ASIC2: variants seen among roughly 807,000 people sequenced by gnomAD.
The protein encoded by ASIC2 is acid-sensing ion channel 2.
A neutral mutation model predicts 57.3 loss-of-function variants in ASIC2; 25 were observed. That is an observed-to-expected ratio of 0.44 (90% confidence interval 0.32 to 0.61). The LOEUF (loss-of-function observed/expected upper bound fraction) is 0.61, where lower values mean the gene tolerates loss of function less well. ASIC2 is among the 20% of genes least tolerant of loss of function. The pLI is 0.06. For synonymous variants in ASIC2, 319 were observed against 307.5 expected (o/e 1.04, Z -0.39); for missense variants, 641 against 738.1 (o/e 0.87, Z 1.52).
rs553807978 is a variant in ASIC2 at position 34,097,643 on chromosome 17, T to C, written c.555+58335A>G. 2.1e-3 allele frequency among the ~76,000 whole-genome samples: 321 copies of C among 152,312 alleles called. 1 individual carries two copies. Among genetic ancestry groups the C allele is most frequent in the African/African-American group, 7.0e-3 (292 of 41,568 alleles). On this transcript the variant is annotated intron_variant, in intron 1 of 9. Coordinates refer to the ASIC2 transcript ENST00000359872. ...TTATTTTTAAATTTGTACTTCTAAT[T>C]GTTATATCACTAGTTTTTTTGTGGT...
intron 1 of ASIC2, among the ~76,000 whole-genome samples, chr17:33,490,617 G>A (rs937910205): frequency 1.3e-5 from 2 of 152,160 alleles, no homozygotes; most frequent in Admixed American, 6.5e-5. Context: ...CTCTTGCCTG[G>A]CGCCATCTAA....
intron 1 of ASIC2, among the ~76,000 whole-genome samples, chr17:33,381,868 C>G (rs895213600): frequency 6.6e-6 from 1 of 152,178 alleles, no homozygotes; most frequent in Admixed American, 6.5e-5. Flanking sequence ...GAAATATAAA[C>G]TGTACTTTGT....
intron 1 of ASIC2, among the ~76,000 whole-genome samples, chr17:33,589,079 A>G (rs1372988753): frequency 1.3e-5 from 2 of 152,220 alleles, no homozygotes; most frequent in East Asian, 1.9e-4. Flanking sequence ...CATGCCACGT[A>G]TATCAGATTC....
intron 1 of ASIC2, among the ~76,000 whole-genome samples, chr17:33,718,221 G>T (rs1016221043): frequency 3.3e-5 from 5 of 152,268 alleles, no homozygotes; most frequent in African/African-American, 9.6e-5. Context: ...GTAAATGGTT[G>T]TTAGACTGTA....
chr17:33,390,549 C>T (rs1281066948), intron 1 of ASIC2, among the ~76,000 whole-genome samples: 1 of 152,138 alleles, frequency 6.6e-6, no homozygotes, highest in Non-Finnish European at 1.5e-5. Context: ...GGTGCCTCTG[C>T]CTCAAGGTCT....
chr17:33,462,973 A>G (rs1227892939), intron 1 of ASIC2, among the ~76,000 whole-genome samples: 3 of 152,078 alleles, frequency 2.0e-5, no homozygotes, highest in Non-Finnish European at 4.4e-5. Flanking sequence ...CTTCCTGCGG[A>G]TCTCTTCCCC....
chr17:34,089,616 A>C (rs1247770192), intron 1 of ASIC2, among the ~76,000 whole-genome samples: 2 of 152,194 alleles, frequency 1.3e-5, no homozygotes, highest in African/African-American at 4.8e-5. Flanking sequence ...TCTGTACCTT[A>C]AAATATACTT....
At chr17:33,362,170 C>G (rs565653994) in intron 1 of ASIC2, among the ~76,000 whole-genome samples, 1 of 152,268 alleles carries the variant, frequency 6.6e-6, no homozygotes, top group South Asian at 2.1e-4. Context: ...CTAGGGGAAA[C>G]CTTACTTGGG....
At chr17:33,535,578 A>C (rs914324787) in intron 1 of ASIC2, among the ~76,000 whole-genome samples, 5 of 151,916 alleles carry the variant, frequency 3.3e-5, no homozygotes, top group Admixed American at 2.0e-4. Context: ...GCCTGGCCCC[A>C]AAAATGTCAC....
chr17:33,410,950 C>T (rs563751501), intron 1 of ASIC2, among the ~76,000 whole-genome samples: 6 of 152,240 alleles, frequency 3.9e-5, no homozygotes, highest in African/African-American at 1.4e-4. Context: ...GACAGCATAA[C>T]ATATTTGTCA....
At chr17:33,880,097 T>C (rs1567744116) in intron 1 of ASIC2, among the ~76,000 whole-genome samples, 2 of 152,106 alleles carry the variant, frequency 1.3e-5, no homozygotes, top group African/African-American at 4.8e-5. Context: ...CTGGGACACA[T>C]TTAAAGCAGT....
chr17:33,894,932 C>A (rs554858641), intron 1 of ASIC2, among the ~76,000 whole-genome samples: 2 of 152,238 alleles, frequency 1.3e-5, no homozygotes, highest in South Asian at 4.1e-4. Flanking sequence ...GCACCCCATG[C>A]ATCCTGAATG....
intron 1 of ASIC2, among the ~76,000 whole-genome samples, chr17:33,662,082 T>G (rs1360955511): frequency 6.6e-6 from 1 of 152,184 alleles, no homozygotes; most frequent in African/African-American, 2.4e-5. Flanking sequence ...ATCTTCTATG[T>G]ATATCGTTTA....
At chr17:33,568,486 T>C (rs1916319989) in intron 1 of ASIC2, among the ~76,000 whole-genome samples, 1 of 152,218 alleles carries the variant, frequency 6.6e-6, no homozygotes, top group South Asian at 2.1e-4. Flanking sequence ...CTGTTCCCTC[T>C]GCCTGGTGTG....
chr17:33,940,548 T>C (rs536691170), intron 1 of ASIC2, among the ~76,000 whole-genome samples: 1 of 151,872 alleles, frequency 6.6e-6, no homozygotes, highest in African/African-American at 2.4e-5. Flanking sequence ...TCCTTCCTTC[T>C]TTCCTTCCTT....
intron 1 of ASIC2, among the ~76,000 whole-genome samples, chr17:33,868,348 A>G (rs1327676532): frequency 1.3e-5 from 2 of 152,194 alleles, no homozygotes; most frequent in Non-Finnish European, 2.9e-5. Context: ...CTGTGTTCCA[A>G]TGAAACTTTA....
chr17:33,654,453 A>C (rs1176117846), intron 1 of ASIC2, among the ~76,000 whole-genome samples: 1 of 151,966 alleles, frequency 6.6e-6, no homozygotes, highest in East Asian at 1.9e-4. Context: ...TCAATAACCT[A>C]CTCCTGATCT....
At chr17:33,417,701 C>T (rs1185647834) in intron 1 of ASIC2, among the ~76,000 whole-genome samples, 3 of 152,120 alleles carry the variant, frequency 2.0e-5, no homozygotes, top group Admixed American at 6.5e-5. Flanking sequence ...TCCAATGTTT[C>T]CGCCCCTCTG....
intron 1 of ASIC2, among the ~76,000 whole-genome samples, chr17:33,789,282 C>T (rs554678622): frequency 6.6e-6 from 1 of 152,298 alleles, no homozygotes; most frequent in South Asian, 2.1e-4. Flanking sequence ...TACAAGATAT[C>T]TCACAGGAGA....
Sources: allele counts gnomAD v4.1 joint callset (sites outside exome capture counted in the v4.1 genomes callset), GRCh38; gene constraint gnomAD v4.1.1; transcripts MANE v1.5; gene names NCBI Gene and HGNC (gene_info 2026-07-23, HGNC 2026-07-21).